Variants in PANK1 observed in about 807,000 individuals in gnomAD.
PANK1 encodes the protein pantothenate kinase 1, also known as pantothenic acid kinase 1.
Under a neutral mutation model 40.1 loss-of-function variants are expected in PANK1, and 18 were observed. The ratio of observed to expected loss-of-function variants is 0.45; its 90% CI spans 0.31 to 0.67. PANK1 has a LOEUF of 0.67. PANK1 is among the 30% of genes least tolerant of loss of function. The pLI, the probability that PANK1 is intolerant of heterozygous loss-of-function variation, is 0.06. For missense variants in PANK1, 457 were observed against 599.6 expected (o/e 0.76, Z 2.48); for synonymous variants, 242 against 237.7 (o/e 1.02, Z -0.17).
rs1224645338 is a variant in PANK1 at position 89,644,742 on chromosome 10, T to A, written c.150A>T (p.Pro50=). The A allele has an allele frequency of 1.3e-6, 2 of 1,523,428 alleles. No individual in the cohort carries two copies. Among genetic ancestry groups the A allele is most frequent in the Non-Finnish European group, 1.8e-6 (2 of 1,141,708 alleles). 94.4% of individuals were successfully genotyped at this position (1,523,428 alleles called of 1,614,324 possible). A position where few individuals can be genotyped will look rare whatever the true frequency, so the allele number is the denominator to read the frequency against. ...GGGGCGCCGCGTCGCTGCCGCCCAC[T>A]GGACCCCGGCTGCAGACGTGCGGCG... The part of the protein sequence containing the change: ...VQPPHVCSRG[P]VGGSDAAPQR... The change falls in exon 1 of 7, where the codon CCA becomes CCT. Residue 50 remains proline, a synonymous_variant. Coordinates refer to ENST00000307534, the MANE Select transcript of PANK1 (RefSeq NM_148977.3).
chr10:89,641,449 T>C (rs1841965579), intron 1 of PANK1, among the ~76,000 whole-genome samples: 1 of 152,222 alleles, frequency 6.6e-6, no homozygotes, highest in South Asian at 2.1e-4. Context: ...TTTTCTGCTA[T>C]CTGGATGATT....
At chr10:89,588,988 G>C (rs1844287335) in intron 5 of PANK1, among the ~76,000 whole-genome samples, 1 of 152,122 alleles carries the variant, frequency 6.6e-6, no homozygotes. Context: ...TGTTGGGCAA[G>C]GCAGAAACTG....
At chr10:89,595,831 AAAATATATATATATATATATAT>A (rs1464327000) in intron 3 of PANK1, among the ~76,000 whole-genome samples, 30 of 56,728 alleles carry the variant, frequency 5.3e-4, no homozygotes, top group African/African-American at 1.3e-3. Flanking sequence ...AAAAAAAAAA[AAAATATATATATATATATATAT>A]ATATATATAT....
At chr10:89,621,135 C>T (rs1240875555) in intron 1 of PANK1, among the ~76,000 whole-genome samples, 1 of 152,090 alleles carries the variant, frequency 6.6e-6, no homozygotes, top group African/African-American at 2.4e-5. Flanking sequence ...AACCCTGTCT[C>T]TACTAAAAAT....
chr10:89,630,030 C>G (rs1266655987), intron 1 of PANK1, among the ~76,000 whole-genome samples: 1 of 152,140 alleles, frequency 6.6e-6, no homozygotes, highest in East Asian at 1.9e-4. Flanking sequence ...GACAGGTTAC[C>G]CATTTACTTG....
intron 1 of PANK1, among the ~76,000 whole-genome samples, chr10:89,613,025 C>G (rs986815362): frequency 2.6e-5 from 4 of 152,162 alleles, no homozygotes; most frequent in African/African-American, 7.2e-5. Context: ...CAAAATGAAT[C>G]TCCATCATGA....
chr10:89,619,953 G>C (rs1815337), intron 1 of PANK1, among the ~76,000 whole-genome samples: 122,218 of 152,208 alleles, frequency 0.8, 49,665 homozygotes, highest in African/African-American at 0.92. Context: ...ATTAGTTCCT[G>C]AAATTAGTAC....
At chr10:89,626,556 AG>A in intron 1 of PANK1, 1 of 152,480 alleles carries the variant, frequency 6.6e-6, no homozygotes, top group Middle Eastern at 3.3e-3. Context: ...CACCCGCCTC[AG>A]CCTCCCAAAG....
intron 1 of PANK1, among the ~76,000 whole-genome samples, chr10:89,629,898 T>G (rs937517881): frequency 1.3e-5 from 2 of 152,248 alleles, no homozygotes; most frequent in African/African-American, 4.8e-5. Context: ...TGTTTCAGCT[T>G]CTTGCTGAAT....
intron 1 of PANK1, among the ~76,000 whole-genome samples, chr10:89,619,815 A>G (rs1845426186): frequency 6.6e-6 from 1 of 152,238 alleles, no homozygotes; most frequent in Non-Finnish European, 1.5e-5. Context: ...ACAAGGGGGA[A>G]AATGTTTAAA....
intron 1 of PANK1, among the ~76,000 whole-genome samples, chr10:89,624,861 T>C (rs1418617643): frequency 6.6e-6 from 1 of 152,228 alleles, no homozygotes; most frequent in Non-Finnish European, 1.5e-5. Context: ...AGAACTACTA[T>C]TCTAGTTGAA....
chr10:89,616,440 T>C (rs967526443), intron 1 of PANK1, among the ~76,000 whole-genome samples: 1 of 152,176 alleles, frequency 6.6e-6, no homozygotes, highest in African/African-American at 2.4e-5. Flanking sequence ...TGCTACACAG[T>C]TATGAGAATC....
rs1844113590 is a variant in PANK1, at chr10:89,583,931, A to G, written c.*475T>C. 1 of 153,402 alleles carries G rather than the reference A, an allele frequency of 6.5e-6. No homozygotes were observed. Among genetic ancestry groups the G allele is most frequent in the Non-Finnish European group, 1.5e-5 (1 of 68,614 alleles). 9.5% of individuals were successfully genotyped at this position (153,402 alleles called of 1,614,324 possible). A position where few individuals can be genotyped will look rare whatever the true frequency, so the allele number is the denominator to read the frequency against. On this transcript the variant is annotated 3_prime_UTR_variant, in exon 7 of 7. Transcript: ENST00000307534. Reference sequence around the variant, plus strand: ...ACAAATAACAAAAGTGTTCACAGTAAAACATGCCAGATTTGTAGTTTCATT... The same window carrying G: ...ACAAATAACAAAAGTGTTCACAGTAGAACATGCCAGATTTGTAGTTTCATT...
chr10:89,609,678 C>T (rs1203326392), intron 2 of PANK1, among the ~76,000 whole-genome samples: 1 of 152,204 alleles, frequency 6.6e-6, no homozygotes, highest in Non-Finnish European at 1.5e-5. Context: ...CAGATGGATG[C>T]CCAACCTGGC....
In PANK1 at chr10:89,637,552, G is replaced by C. The variant is rs115970327; in HGVS notation, c.292+7048C>G. Among the ~76,000 whole-genome samples, 360 of 152,318 alleles carry C rather than the reference G, an allele frequency of 2.4e-3. 3 individuals carry two copies. Among genetic ancestry groups the C allele is most frequent in the African/African-American group, 8.1e-3 (335 of 41,562 alleles). On this transcript the variant is annotated intron_variant, in intron 1 of 6. Transcript: ENST00000307534. ...CATACCTAAACATAGAAAAGGTACA[G>C]TAAAAGTACAGTCTAAAAGACAAAA... is the stretch of plus-strand genomic sequence containing the variant.
chr10:89,634,042 T>C (rs1302996647), intron 1 of PANK1, among the ~76,000 whole-genome samples: 1 of 152,202 alleles, frequency 6.6e-6, no homozygotes, highest in African/African-American at 2.4e-5. Context: ...AGCTGTTATG[T>C]AGAAGATGAA....
At chr10:89,632,619 C>T (rs1275639679) in intron 1 of PANK1, among the ~76,000 whole-genome samples, 1 of 152,142 alleles carries the variant, frequency 6.6e-6, no homozygotes, top group African/African-American at 2.4e-5. Flanking sequence ...TTATAATTTT[C>T]CCATGATTAA....
chr10:89,597,931 A>G (rs1323573099), intron 3 of PANK1, among the ~76,000 whole-genome samples: 1 of 152,216 alleles, frequency 6.6e-6, no homozygotes, highest in East Asian at 1.9e-4. Context: ...GAAAATGTAT[A>G]CTTGGTAGCA....
At chr10:89,619,796 A>G (rs564925211) in intron 1 of PANK1, among the ~76,000 whole-genome samples, 1 of 152,350 alleles carries the variant, frequency 6.6e-6, no homozygotes, top group South Asian at 2.1e-4. Context: ...AGATTTGTTA[A>G]GCAAATCAAC....
Sources: allele counts gnomAD v4.1 joint callset (sites outside exome capture counted in the v4.1 genomes callset), GRCh38; gene constraint gnomAD v4.1.1; transcripts MANE v1.5; gene names NCBI Gene and HGNC (gene_info 2026-07-23, HGNC 2026-07-21).